The following NCBP3 variants were observed in gnomAD, a reference collection of about 807,000 sequenced individuals.
NCBP3 encodes nuclear cap-binding protein subunit 3.
NCBP3 carries 20 observed loss-of-function variants against 75.7 expected under a neutral mutation model. That is an observed-to-expected ratio of 0.26 (90% CI 0.19 to 0.38). The LOEUF (loss-of-function observed/expected upper bound fraction) is 0.38, where lower values mean the gene tolerates loss of function less well. Among genes scored for constraint, NCBP3 ranks in the 10% least tolerant of loss-of-function variants. The pLI, the probability that NCBP3 is intolerant of heterozygous loss-of-function variation, is 1.00. For missense variants in NCBP3, 678 were observed against 796.9 expected (o/e 0.85, Z 1.80); for synonymous variants, 293 against 290.5 (o/e 1.01, Z -0.09).
rs1042302844 is a variant in NCBP3 at position 3,811,911 on chromosome 17, A to G, written c.*1133T>C. On this transcript the variant is annotated 3_prime_UTR_variant, in exon 13 of 13. Coordinates refer to ENST00000389005, the MANE Select transcript of NCBP3 (RefSeq NM_001114118.3). Reference sequence around the variant, plus strand: ...TAAAAATAAATGAACTAAAATTTTTATAACTATTATCTTTTCTGCCAATTT... The same window carrying G: ...TAAAAATAAATGAACTAAAATTTTTGTAACTATTATCTTTTCTGCCAATTT... 2.0e-5 allele frequency: 3 copies of G among 152,272 alleles called. No individual in the cohort carries two copies. The highest frequency in any genetic ancestry group is 1.9e-4 in the East Asian group (1 of 5,206). The allele number at this position is 152,272 out of a possible 1,614,324, so 9.4% of individuals were successfully genotyped here.
At chr17:3,840,277 G>C (rs1051372233) in intron 2 of NCBP3, 72 bp from the exon 3 acceptor site, 1 of 1,229,138 alleles carries the variant, frequency 8.1e-7, no homozygotes, top group Non-Finnish European at 1.2e-6. Flanking sequence ...GCATCATGAT[G>C]CATCAGTGAC....
In NCBP3 at chr17:3,813,104, T is replaced by C; in HGVS notation, c.1803A>G (p.Leu601=). ...GACTAACTTCAATCTGGAGAGATGG[T>C]AAGTTATCTAACCGGCTCTTCTTTT... is the stretch of plus-strand genomic sequence containing the variant. ...SRQKKSRLDN[L]PSLQIEVSRE... Residue 601 remains leucine, a synonymous_variant, in exon 13 of 13, where the codon TTA becomes TTG. Coordinates refer to ENST00000389005, the MANE Select transcript of NCBP3 (RefSeq NM_001114118.3). The C allele has an allele frequency of 6.2e-7, 1 of 1,614,232 alleles. No homozygotes were observed. The highest frequency in any genetic ancestry group is 8.5e-7 in the Non-Finnish European group (1 of 1,180,040).
Position 3,832,627 on chromosome 17 carries a change from T to A in NCBP3, c.356-3259A>T, listed in dbSNP as rs149942861. Reference sequence around the variant, plus strand: ...GCCTGGGTGACAGAGCGAGAGGCCATCTCAAAAAAAAATAAAATAAAATAA... The same window carrying A: ...GCCTGGGTGACAGAGCGAGAGGCCAACTCAAAAAAAAATAAAATAAAATAA... On this transcript the variant is annotated intron_variant, in intron 3 of 12. Coordinates refer to ENST00000389005, the MANE Select transcript of NCBP3 (RefSeq NM_001114118.3). Among the ~76,000 whole-genome samples the A allele has an allele frequency of 3.0e-3, 441 of 148,678 alleles. 2 individuals are homozygous for A. Among genetic ancestry groups the A allele is most frequent in the African/African-American group, 9.8e-3 (402 of 40,836 alleles).
At chr17:3,837,381 T>C (rs1410387699) in intron 3 of NCBP3, among the ~76,000 whole-genome samples, 4 of 148,352 alleles carry the variant, frequency 2.7e-5, no homozygotes. Flanking sequence ...CCTGTAATCC[T>C]AGCTACTCAG....
intron 9 of NCBP3, among the ~76,000 whole-genome samples, chr17:3,820,929 TAA>T (rs560315361): frequency 4.3e-5 from 6 of 140,252 alleles, no homozygotes; most frequent in East Asian, 2.1e-4. Context: ...GACTCCGTCT[TAA>T]AAAAAAAAAA....
rs190430142 is a variant in NCBP3, at chr17:3,822,129, T to C, written c.797-77A>G. The C allele has an allele frequency of 1.4e-5, 14 of 998,046 alleles. No homozygotes were observed. The East Asian group carries it at 3.1e-4, about 22-fold the overall frequency. The allele number at this position is 998,046 out of a possible 1,614,324, so 61.8% of individuals were successfully genotyped here. A position where few individuals can be genotyped will look rare whatever the true frequency, so the allele number is the denominator to read the frequency against. On this transcript the variant is annotated intron_variant, in intron 7 of 12. Transcript: ENST00000389005. The stretch of plus-strand genomic sequence containing the variant: ...ATGTTGAATTTTTTTTTTAATGTTT[T>C]CCATAGCTGGAATCAGATCAGCGCA...
At chr17:3,824,912 A>C in intron 7 of NCBP3, 30 bp downstream of exon 7, 1 of 1,249,228 alleles carries the variant, frequency 8.0e-7, no homozygotes, top group Non-Finnish European at 1.1e-6. Flanking sequence ...TTGATTGAAA[A>C]TATAAAACAA....
chr17:3,819,433 G>A (rs893851997), intron 9 of NCBP3, among the ~76,000 whole-genome samples: 7 of 151,958 alleles, frequency 4.6e-5, no homozygotes, highest in Non-Finnish European at 8.8e-5. Flanking sequence ...GGTGGTGTGC[G>A]CTTGTAGTCC....
chr17:3,842,546 T>G (rs1158449707), intron 2 of NCBP3, among the ~76,000 whole-genome samples: 1 of 152,214 alleles, frequency 6.6e-6, no homozygotes, highest in Admixed American at 6.5e-5. Flanking sequence ...GTCTTGGACA[T>G]TTTCTTGGAA....
At position 3,803,560 on chromosome 17, in the gene NCBP3, T is replaced by C. The variant is rs2053300262; in HGVS notation, c.*9484A>G. The stretch of plus-strand genomic sequence containing the variant: ...CTTACGGATAAACGAGCATGATGTA[T>C]ACAAATAATCCTCAAATGGTTCATG... On this transcript the variant is annotated 3_prime_UTR_variant, in exon 13 of 13. Transcript: ENST00000389005. 1 of 152,098 alleles carries C rather than the reference T, an allele frequency of 6.6e-6. No individual in the cohort carries two copies. The highest frequency in any genetic ancestry group is 2.4e-5 in the African/African-American group (1 of 41,398). The allele number at this position is 152,098 out of a possible 1,614,324, so 9.4% of individuals were successfully genotyped here.
chr17:3,810,173 TAAC>T lies in NCBP3; in HGVS notation c.*2868_*2870del, dbSNP rs1264195757. The T allele has an allele frequency of 1.3e-5, 2 of 152,220 alleles. No homozygotes were observed. Among genetic ancestry groups the T allele is most frequent in the Non-Finnish European group, 2.9e-5 (2 of 68,058 alleles). 9.4% of individuals were successfully genotyped at this position (152,220 alleles called of 1,614,324 possible). ...GCAAATTACATCTAAATTAAGCTGG[TAAC>T]AACAACAAAGGTTCATCCCGCTGCA... On this transcript the variant is annotated 3_prime_UTR_variant, in exon 13 of 13. Transcript: ENST00000389005.
At chr17:3,825,097 A>G (rs2053760347) in intron 6 of NCBP3, 47 bp from the exon 7 acceptor site, 1 of 1,078,330 alleles carries the variant, frequency 9.3e-7, no homozygotes, top group Non-Finnish European at 1.3e-6. Flanking sequence ...AGTCCTTTTG[A>G]TATTTCTTCA....
chr17:3,846,021 C>A lies in NCBP3; in HGVS notation c.183+20G>T. ...ACTAGCCCCGCGACCTCTTCCTTAC[C>A]CCCCGACCCCCGCCCGTACCGGGAT... On this transcript the variant is annotated intron_variant, in intron 1 of 12. Coordinates refer to ENST00000389005, the MANE Select transcript of NCBP3 (RefSeq NM_001114118.3). The surrounding 1 kb of genome is among the most constrained non-coding windows in gnomAD (Gnocchi z 4.6). 1 of 1,544,792 alleles carries A rather than the reference C, an allele frequency of 6.5e-7. No individual in the cohort carries two copies. The highest frequency in any genetic ancestry group is 8.7e-7 in the Non-Finnish European group (1 of 1,143,946).
intron 4 of NCBP3, among the ~76,000 whole-genome samples, chr17:3,827,451 T>C (rs865796443): frequency 5.3e-5 from 8 of 152,242 alleles, no homozygotes; most frequent in African/African-American, 1.2e-4. Flanking sequence ...CTGGGATATG[T>C]AGAATGGAGG....
At chr17:3,830,138 A>AGG (rs2053852666) in intron 3 of NCBP3, among the ~76,000 whole-genome samples, 1 of 152,158 alleles carries the variant, frequency 6.6e-6, no homozygotes, top group African/African-American at 2.4e-5. Context: ...GGCAAATGGA[A>AGG]GGGTCTGCAG....
rs1257597312 is a variant in NCBP3 at position 3,811,400 on chromosome 17, C to T, written c.*1644G>A. 1 of 152,140 alleles carries T rather than the reference C, an allele frequency of 6.6e-6. No individual in the cohort carries two copies. Among genetic ancestry groups the T allele is most frequent in the African/African-American group, 2.4e-5 (1 of 41,406 alleles). 9.4% of individuals were successfully genotyped at this position (152,140 alleles called of 1,614,324 possible). A position where few individuals can be genotyped will look rare whatever the true frequency, so the allele number is the denominator to read the frequency against. ...TCTTAAGTCTCAACTGGCAGAGAAA[C>T]CAGAACCATCTCTTTCCTAGAATCC... On this transcript the variant is annotated 3_prime_UTR_variant, in exon 13 of 13. Coordinates refer to ENST00000389005, the MANE Select transcript of NCBP3 (RefSeq NM_001114118.3).
chr17:3,819,127 T>C (rs559101792), intron 9 of NCBP3, among the ~76,000 whole-genome samples: 2 of 152,256 alleles, frequency 1.3e-5, no homozygotes, highest in African/African-American at 4.8e-5. Context: ...CTAGTGTTCC[T>C]AGATGCAAGG....
At chr17:3,814,688 C>A (rs1011320239) in intron 11 of NCBP3, among the ~76,000 whole-genome samples, 1 of 151,938 alleles carries the variant, frequency 6.6e-6, no homozygotes, top group East Asian at 1.9e-4. Context: ...AGGAAAAATC[C>A]TCAACTGATT....
chr17:3,816,277 A>G lies in NCBP3; in HGVS notation c.1311-7T>C. The G allele has an allele frequency of 6.2e-7, 1 of 1,612,204 alleles. No individual in the cohort carries two copies. Reference sequence around the variant, plus strand: ...ATCTGCCCTCATGGAGTTCCTTTAAAAAGGGGGTAGGATGGGGCACAGTTA... The same window carrying G: ...ATCTGCCCTCATGGAGTTCCTTTAAGAAGGGGGTAGGATGGGGCACAGTTA... On this transcript the variant is annotated splice_polypyrimidine_tract_variant and splice_region_variant and intron_variant, in intron 10 of 12. Coordinates refer to ENST00000389005, the MANE Select transcript of NCBP3 (RefSeq NM_001114118.3).
Sources: gnomAD v4.1 joint callset for allele counts (sites outside exome capture counted in the v4.1 genomes callset) on GRCh38, gnomAD v4.1.1 for gene constraint, Gnocchi (gnomAD v3.1) non-coding constraint, MANE v1.5 for transcripts, NCBI Gene and HGNC (gene_info 2026-07-23, HGNC 2026-07-21) for gene names.